CSMD1: variants seen among roughly 807,000 people sequenced by gnomAD.
CSMD1 encodes CUB and sushi domain-containing protein 1.
In CSMD1, 213 loss-of-function variants were observed where a neutral mutation model predicts 417.5. The observed-to-expected ratio is 0.51, with a 90% CI of 0.46 to 0.57. The LOEUF (loss-of-function observed/expected upper bound fraction) is 0.57. Ranked by LOEUF, CSMD1 falls within the 20% of genes least tolerant of loss-of-function variation. CSMD1 has a pLI of 0.00. For missense variants in CSMD1, 6,923 were observed against 4,529.7 expected, an observed-to-expected ratio of 1.53 and a Z score of -15.17; for synonymous variants, 2,862 against 1,736.8, an observed-to-expected ratio of 1.65 and a Z score of -16.11.
rs189489563 is a variant in CSMD1 at position 4,658,071 on chromosome 8, G to A, written c.86-20513C>T. 7.1e-4 allele frequency among the ~76,000 whole-genome samples: 108 copies of A among 151,394 alleles called. 1 individual carries two copies. Among genetic ancestry groups the A allele is most frequent in the Admixed American group, 2.2e-3 (34 of 15,196 alleles). ...ATATTCAGTATGAAGGGAAAAAGAA[G>A]GGAAAAAAATAAACAGAGCTTAAGA... is the stretch of plus-strand genomic sequence containing the variant. On this transcript the variant is annotated intron_variant, in intron 1 of 69. Transcript: ENST00000635120.
chr8:3,315,412 C>T (rs1805675249), intron 23 of CSMD1, among the ~76,000 whole-genome samples: 1 of 144,196 alleles, frequency 6.9e-6, no homozygotes, highest in African/African-American at 2.6e-5. Context: ...TCTCTTTATT[C>T]AAGAATGAAA....
At chr8:3,192,154 A>G (rs1188744344) in intron 33 of CSMD1, among the ~76,000 whole-genome samples, 1 of 152,206 alleles carries the variant, frequency 6.6e-6, no homozygotes, top group Non-Finnish European at 1.5e-5. Context: ...AGAAGGCAAA[A>G]TTAATAAAAG....
At chr8:3,997,486 C>G (rs914706599) in intron 5 of CSMD1, among the ~76,000 whole-genome samples, 1 of 152,080 alleles carries the variant, frequency 6.6e-6, no homozygotes, top group Admixed American at 6.6e-5. Context: ...ACAGTCTTCA[C>G]GAAGAAAAAG....
intron 8 of CSMD1, among the ~76,000 whole-genome samples, chr8:3,612,502 G>A (rs763069747): frequency 6.6e-6 from 1 of 152,086 alleles, no homozygotes; most frequent in Non-Finnish European, 1.5e-5. Flanking sequence ...ACTAAAATAT[G>A]TGTTATTTTC....
At chr8:3,576,167 C>G (rs1053220115) in intron 9 of CSMD1, among the ~76,000 whole-genome samples, 3 of 152,016 alleles carry the variant, frequency 2.0e-5, no homozygotes, top group African/African-American at 4.8e-5. Flanking sequence ...GGACTTGTGA[C>G]TTAACAAGGG....
At chr8:4,007,508 A>G (rs78233223) in intron 4 of CSMD1, among the ~76,000 whole-genome samples, 9 of 151,538 alleles carry the variant, frequency 5.9e-5, no homozygotes, top group Non-Finnish European at 1.3e-4. Flanking sequence ...TCTGGCCACC[A>G]TATTTAAACT....
chr8:4,391,119 G>A (rs191001426), intron 3 of CSMD1, among the ~76,000 whole-genome samples: 34 of 152,284 alleles, frequency 2.2e-4, no homozygotes, highest in Non-Finnish European at 4.1e-4. Flanking sequence ...ACAAATCTGT[G>A]TTTCTCTAGG....
At chr8:3,842,403 T>C (rs991839669) in intron 5 of CSMD1, among the ~76,000 whole-genome samples, 20 of 152,268 alleles carry the variant, frequency 1.3e-4, no homozygotes, top group African/African-American at 4.6e-4. Context: ...CAGTTGGCTG[T>C]GCATGTCTTA....
At chr8:4,629,872 T>C (rs1007307517) in intron 2 of CSMD1, among the ~76,000 whole-genome samples, 1 of 152,192 alleles carries the variant, frequency 6.6e-6, no homozygotes, top group Admixed American at 6.5e-5. Flanking sequence ...TTCTGTTCCC[T>C]TTGTGTAAAT....
chr8:3,962,451 G>A (rs1027968605), intron 5 of CSMD1, among the ~76,000 whole-genome samples: 1 of 152,118 alleles, frequency 6.6e-6, no homozygotes, highest in African/African-American at 2.4e-5. Flanking sequence ...ATGTGAGAGG[G>A]AGCATGGATC....
At chr8:4,920,856 G>A (rs1178898214) in intron 1 of CSMD1, among the ~76,000 whole-genome samples, 1 of 892 alleles carries the variant, frequency 1.1e-3, no homozygotes, top group Non-Finnish European at 3.7e-3. Context: ...GAAAAGAAAA[G>A]AAAAGAAAAG....
intron 5 of CSMD1, among the ~76,000 whole-genome samples, chr8:3,758,991 G>C (rs992435573): frequency 6.6e-6 from 1 of 152,200 alleles, no homozygotes; most frequent in Non-Finnish European, 1.5e-5. Context: ...CAAGAAAGCT[G>C]CTGATACCTT....
intron 5 of CSMD1, among the ~76,000 whole-genome samples, chr8:3,854,715 G>A (rs917554683): frequency 6.6e-6 from 1 of 150,654 alleles, no homozygotes; most frequent in East Asian, 2.0e-4. Context: ...GAGACAGCGG[G>A]GGAAATGAGT....
intron 41 of CSMD1, among the ~76,000 whole-genome samples, chr8:3,138,017 G>C (rs912060678): frequency 6.6e-6 from 1 of 152,220 alleles, no homozygotes; most frequent in African/African-American, 2.4e-5. Context: ...CTGAGGTCAG[G>C]AGTTCGAGAC....
intron 1 of CSMD1, among the ~76,000 whole-genome samples, chr8:4,772,953 A>C (rs543347584): frequency 6.6e-6 from 1 of 152,204 alleles, no homozygotes; most frequent in East Asian, 1.9e-4. Context: ...GCTGGAATAT[A>C]ACACATGGGA....
At chr8:4,288,025 C>T (rs1385740945) in intron 3 of CSMD1, among the ~76,000 whole-genome samples, 3 of 152,094 alleles carry the variant, frequency 2.0e-5, no homozygotes, top group South Asian at 2.1e-4. Flanking sequence ...TTTTTAGCTG[C>T]AACCATCAAA....
At chr8:4,330,677 C>A (rs568708303) in intron 3 of CSMD1, among the ~76,000 whole-genome samples, 9 of 152,126 alleles carry the variant, frequency 5.9e-5, no homozygotes, top group Admixed American at 3.9e-4. Flanking sequence ...AAGTTTTACA[C>A]TCCTAGGTGT....
chr8:3,389,950 C>T (rs1811246617), intron 17 of CSMD1, among the ~76,000 whole-genome samples: 1 of 152,072 alleles, frequency 6.6e-6, no homozygotes, highest in Non-Finnish European at 1.5e-5. Context: ...ATGGAGAGTA[C>T]AGGACGGGAG....
chr8:3,666,589 G>C (rs1798706945), intron 7 of CSMD1, among the ~76,000 whole-genome samples: 3 of 152,066 alleles, frequency 2.0e-5, no homozygotes, highest in African/African-American at 7.2e-5. Flanking sequence ...TTGAATTGTA[G>C]CTCCCATAAC....
Sources: gnomAD v4.1 joint callset for allele counts (sites outside exome capture counted in the v4.1 genomes callset) on GRCh38, gnomAD v4.1.1 for gene constraint, MANE v1.5 for transcripts, NCBI Gene and HGNC (gene_info 2026-07-23, HGNC 2026-07-21) for gene names.